The following C1QTNF3 variants were observed in gnomAD, a reference collection of about 807,000 sequenced individuals.
The protein encoded by C1QTNF3 is complement C1q tumor necrosis factor-related protein 3.
C1QTNF3 carries 26 observed loss-of-function variants against 32.6 expected under a neutral mutation model. That is an observed-to-expected ratio of 0.80 (90% CI 0.58 to 1.11). The LOEUF (loss-of-function observed/expected upper bound fraction) is 1.11, where lower values mean the gene tolerates loss of function less well. C1QTNF3 is among the 50% of genes least tolerant of loss of function. The pLI, the probability that C1QTNF3 is intolerant of heterozygous loss-of-function variation, is 0.00. For synonymous variants in C1QTNF3, 155 were observed against 146.0 expected, an observed-to-expected ratio of 1.06 and a Z score of -0.44; for missense variants, 362 against 398.2, an observed-to-expected ratio of 0.91 and a Z score of 0.77.
At chr5:34,066,446 TAA>T in the C1QTNF3 span, among the ~76,000 whole-genome samples, 5 of 152,176 alleles carry the variant, frequency 3.3e-5, no homozygotes, top group Non-Finnish European at 5.9e-5. Context: ...TTATAGATTA[TAA>T]AAGACTTACA....
chr5:34,202,257 A>T, the C1QTNF3 span, among the ~76,000 whole-genome samples: 5 of 151,816 alleles, frequency 3.3e-5, no homozygotes, highest in Non-Finnish European at 5.9e-5. Context: ...CTTCCATGAA[A>T]GGTTCCCCAA....
the C1QTNF3 span, among the ~76,000 whole-genome samples, chr5:34,078,846 G>A: frequency 6.6e-6 from 1 of 151,568 alleles, no homozygotes; most frequent in Non-Finnish European, 1.5e-5. This position sits in a 1 kb window ranked among gnomAD's most constrained non-coding sequence, Gnocchi z 4.0. Flanking sequence ...CCCATGTGCT[G>A]AGAATGGCTG....
chr5:34,165,040 T>C, the C1QTNF3 span: 1 of 152,184 alleles, frequency 6.6e-6, no homozygotes, highest in East Asian at 1.9e-4. Context: ...GTCAGGGGTA[T>C]GGATAAAACA....
At chr5:34,223,323 T>C in the C1QTNF3 span, among the ~76,000 whole-genome samples, 11 of 151,156 alleles carry the variant, frequency 7.3e-5, no homozygotes, top group African/African-American at 2.7e-4. Flanking sequence ...TCCAATTTCA[T>C]CCATGTCCCT....
the C1QTNF3 span, among the ~76,000 whole-genome samples, chr5:34,156,856 T>C: frequency 2.6e-5 from 4 of 152,210 alleles, no homozygotes; most frequent in South Asian, 2.1e-4. Context: ...TTGAATGAGA[T>C]AGTCATGTCT....
At chr5:34,226,239 T>G in the C1QTNF3 span, among the ~76,000 whole-genome samples, 2 of 152,034 alleles carry the variant, frequency 1.3e-5, no homozygotes, top group African/African-American at 4.8e-5. Context: ...AGAGAAAAAT[T>G]TAAAAATCCC....
the C1QTNF3 span, among the ~76,000 whole-genome samples, chr5:34,062,473 T>A: frequency 1.1e-3 from 172 of 152,342 alleles, 1 homozygote; most frequent in African/African-American, 3.9e-3. Context: ...ATGTGCCTTT[T>A]TCCTATGAGA....
the C1QTNF3 span, among the ~76,000 whole-genome samples, chr5:34,178,422 G>C: frequency 6.6e-6 from 1 of 152,202 alleles, no homozygotes; most frequent in African/African-American, 2.4e-5. Flanking sequence ...AAACAGAACA[G>C]TGCAGTCCAC....
the C1QTNF3 span, among the ~76,000 whole-genome samples, chr5:34,070,383 G>A: frequency 3.3e-5 from 5 of 152,056 alleles, no homozygotes; most frequent in Admixed American, 1.3e-4. Flanking sequence ...TACAAAAAAT[G>A]GCTTTTTGGG....
chr5:34,046,497 G>A (rs1428490569), upstream of C1QTNF3, among the ~76,000 whole-genome samples: 2 of 152,148 alleles, frequency 1.3e-5, no homozygotes, highest in African/African-American at 4.8e-5. Flanking sequence ...CAGGGATGAG[G>A]GTAATGCATT....
chr5:34,080,151 T>C, the C1QTNF3 span, among the ~76,000 whole-genome samples: 1 of 151,706 alleles, frequency 6.6e-6, no homozygotes, highest in Non-Finnish European at 1.5e-5. Context: ...ACATCACATA[T>C]TTTAAAATGC....
the C1QTNF3 span, among the ~76,000 whole-genome samples, chr5:34,082,357 A>T: frequency 1.3e-5 from 2 of 151,436 alleles, no homozygotes; most frequent in East Asian, 1.9e-4. Flanking sequence ...ATATATCACC[A>T]TTTAAATAAT....
the C1QTNF3 span, among the ~76,000 whole-genome samples, chr5:34,147,944 C>T: frequency 2.0e-5 from 3 of 152,174 alleles, no homozygotes; most frequent in South Asian, 6.2e-4. Context: ...ATCTGAGGTA[C>T]CGGGTTCATC....
the C1QTNF3 span, among the ~76,000 whole-genome samples, chr5:34,134,237 A>AT: frequency 2.5e-4 from 38 of 151,606 alleles, no homozygotes; most frequent in African/African-American, 8.2e-4. Flanking sequence ...AGCCAATTAA[A>AT]TTTTTTTTTC....
chr5:34,147,492 G>C, the C1QTNF3 span, among the ~76,000 whole-genome samples: 1 of 152,114 alleles, frequency 6.6e-6, no homozygotes, highest in South Asian at 2.1e-4. Flanking sequence ...ATAGAAAAAA[G>C]AACGAAATCA....
chr5:34,070,783 T>C, the C1QTNF3 span, among the ~76,000 whole-genome samples: 46 of 152,234 alleles, frequency 3.0e-4, no homozygotes, highest in African/African-American at 1.1e-3. Flanking sequence ...TTAGGTTTTC[T>C]GGAAATAACC....
At chr5:34,153,757 G>C in the C1QTNF3 span, among the ~76,000 whole-genome samples, 5 of 105,694 alleles carry the variant, frequency 4.7e-5, no homozygotes, top group Non-Finnish European at 9.4e-5. Context: ...CCTAATGCTA[G>C]ATGACACATT....
chr5:34,070,811 A>G, the C1QTNF3 span, among the ~76,000 whole-genome samples: 2 of 152,250 alleles, frequency 1.3e-5, no homozygotes, highest in Non-Finnish European at 2.9e-5. Context: ...TTCATGCCTA[A>G]AGAAACTGAA....
chr5:34,237,706 C>G, the C1QTNF3 span, among the ~76,000 whole-genome samples: 6 of 152,050 alleles, frequency 3.9e-5, no homozygotes, highest in African/African-American at 1.4e-4. Flanking sequence ...TGAAGCTGAG[C>G]TGAAGAGGGA....
Sources: gnomAD v4.1 joint callset for allele counts (sites outside exome capture counted in the v4.1 genomes callset) on GRCh38, gnomAD v4.1.1 for gene constraint, Gnocchi (gnomAD v3.1) non-coding constraint, MANE v1.5 for transcripts, NCBI Gene and HGNC (gene_info 2026-07-23, HGNC 2026-07-21) for gene names.